KIRREL2: variants seen among roughly 807,000 people sequenced by gnomAD.
KIRREL2 encodes the protein kin of IRRE-like protein 2.
Under a neutral mutation model 73.4 loss-of-function variants are expected in KIRREL2, and 56 were observed. That is an observed-to-expected ratio of 0.76 (90% CI 0.62 to 0.95). The LOEUF (loss-of-function observed/expected upper bound fraction) is 0.95. Ranked by LOEUF, KIRREL2 falls within the 40% of genes least tolerant of loss-of-function variation. The pLI, the probability that KIRREL2 is intolerant of heterozygous loss-of-function variation, is 0.00. For missense variants in KIRREL2, 896 were observed against 935.0 expected (o/e 0.96, Z 0.54); for synonymous variants, 407 against 404.0 (o/e 1.01, Z -0.09).
In KIRREL2 at chr19:35,861,836, C is replaced by T. The variant is rs1403049112; in HGVS notation, c.1322C>T (p.Ala441Val). 10 of 1,586,982 alleles carry T rather than the reference C, an allele frequency of 6.3e-6. No individual in the cohort carries two copies. The African/African-American group carries it at 9.4e-5, about 15-fold the overall frequency. Reference protein sequence around the residue: ...VWSWDEGFLEAGSQGRFLVET... With the variant: ...VWSWDEGFLEVGSQGRFLVET... ...TCTTGGGATGAGGGCTTCCTGGAGG[C>T]GGGGTCGCAGGGCCGGTTCCTGGTG... The change falls in exon 11 of 15, where the codon GCG (alanine) becomes GTG (valine). Residue 441 changes from alanine (A) to valine (V), a missense_variant. Ala to Val is a moderately conservative substitution (Grantham distance 64). Coordinates refer to ENST00000360202, the MANE Select transcript of KIRREL2 (RefSeq NM_199180.4).
upstream of KIRREL2, among the ~76,000 whole-genome samples, chr19:35,855,690 CACACACACACACACACAT>C (rs967318690): frequency 1.7e-4 from 25 of 149,442 alleles, no homozygotes; most frequent in South Asian, 1.3e-3. Context: ...CACACACACA[CACACACACACACACACAT>C]ACACACAGGA....
upstream of KIRREL2, among the ~76,000 whole-genome samples, chr19:35,856,436 C>T (rs958834177): frequency 1.3e-5 from 2 of 152,174 alleles, no homozygotes; most frequent in Admixed American, 1.3e-4. The surrounding 1 kb of genome is among the most constrained non-coding windows in gnomAD (Gnocchi z 5.9). Context: ...GGTTTTGAGG[C>T]TGGGGGAGTC....
upstream of KIRREL2, chr19:35,856,588 A>C (rs1973433604): frequency 5.9e-6 from 1 of 168,884 alleles, no homozygotes; most frequent in African/African-American, 2.4e-5. This position sits in a 1 kb window ranked among gnomAD's most constrained non-coding sequence, Gnocchi z 5.9. Flanking sequence ...CTCAGTTTCC[A>C]CTGAGCGCAG....
upstream of KIRREL2, chr19:35,856,819 A>G (rs1459252061): frequency 2.5e-5 from 12 of 474,218 alleles, no homozygotes; most frequent in Admixed American, 4.2e-4. The surrounding 1 kb of genome is among the most constrained non-coding windows in gnomAD (Gnocchi z 5.9). Flanking sequence ...TCCGCGTCTC[A>G]GCCGCGGGAG....
In KIRREL2 at chr19:35,858,767, C is replaced by A. The variant is rs146497161; in HGVS notation, c.425C>A (p.Ala142Glu). ...PSVSLVAGVPANLTCRSRGDA... is the reference protein window; with the variant it reads ...PSVSLVAGVPENLTCRSRGDA... ...GTGTCTCTGGTTGCTGGAGTTCCTG[C>A]GAACCTGACATGTCGGAGCCGTGGG... is the stretch of plus-strand genomic sequence containing the variant. The change falls in exon 4 of 15, where the codon GCG becomes GAG. Residue 142 changes from alanine to glutamate, a missense_variant. Ala to Glu is a moderately radical substitution (Grantham distance 107). Transcript: ENST00000360202. 1.2e-6 allele frequency: 2 copies of A among 1,614,192 alleles called. No individual in the cohort carries two copies. Among genetic ancestry groups the A allele is most frequent in the South Asian group, 1.1e-5 (1 of 91,088 alleles).
chr19:35,859,763 G>A (rs748632291), intron 5 of KIRREL2, 132 bp downstream of exon 5: 159 of 1,060,104 alleles, frequency 1.5e-4, no homozygotes, highest in Middle Eastern at 1.3e-3. Context: ...AGCAGGAGAG[G>A]GCTGGGTATG....
intron 14 of KIRREL2, among the ~76,000 whole-genome samples, chr19:35,865,036 C>A (rs1268242811): frequency 6.6e-6 from 1 of 152,076 alleles, no homozygotes; most frequent in African/African-American, 2.4e-5. Context: ...CTACACTGGC[C>A]CCACATCTCC....
At chr19:35,854,123 G>A (rs1359995705), upstream of KIRREL2, among the ~76,000 whole-genome samples, 1 of 151,880 alleles carries the variant, frequency 6.6e-6, no homozygotes, top group Non-Finnish European at 1.5e-5. Context: ...GGGATTACAG[G>A]TGGGAGCCGC....
At chr19:35,855,865 C>T (rs1225022749), upstream of KIRREL2, 1 of 152,114 alleles carries the variant, frequency 6.6e-6, no homozygotes, top group Non-Finnish European at 1.5e-5. Flanking sequence ...GCACCATGCA[C>T]TTGAGTGCAC....
chr19:35,853,976 C>A (rs1973346764), upstream of KIRREL2, among the ~76,000 whole-genome samples: 1 of 151,578 alleles, frequency 6.6e-6, no homozygotes, highest in Non-Finnish European at 1.5e-5. Flanking sequence ...TCCTGAGTAG[C>A]TGGGAATACA....
rs28397943 is a variant in KIRREL2, at chr19:35,863,309, A to G, written c.1725+273A>G. Among the ~76,000 whole-genome samples the G allele has an allele frequency of 4.8e-3, 724 of 152,328 alleles. 6 individuals are homozygous for G. The highest frequency in any genetic ancestry group is 0.016 in the African/African-American group (684 of 41,580). On this transcript the variant is annotated intron_variant, in intron 13 of 14. Coordinates refer to ENST00000360202, the MANE Select transcript of KIRREL2 (RefSeq NM_199180.4). The stretch of plus-strand genomic sequence containing the variant: ...TATGGTGGCATACACCTATAGTCCC[A>G]GCTACTCAGGACACTGAGGTGGGAG...
At chr19:35,863,779 C>G (rs918341735) in intron 13 of KIRREL2, among the ~76,000 whole-genome samples, 11 of 147,226 alleles carry the variant, frequency 7.5e-5, no homozygotes, top group Admixed American at 3.4e-4. Flanking sequence ...TTTTTTCTTT[C>G]TTTCTTTTTT....
At chr19:35,856,629 T>C, upstream of KIRREL2, 1 of 249,778 alleles carries the variant, frequency 4.0e-6, no homozygotes, top group Non-Finnish European at 7.9e-6. This position sits in a 1 kb window ranked among gnomAD's most constrained non-coding sequence, Gnocchi z 5.9. Context: ...AGCAAGTTTC[T>C]TCCACTCTCT....
chr19:35,853,600 C>A (rs1973335395), upstream of KIRREL2, among the ~76,000 whole-genome samples: 2 of 151,996 alleles, frequency 1.3e-5, no homozygotes, highest in South Asian at 4.1e-4. Flanking sequence ...ACTTCCTGGG[C>A]TCAGGTGATC....
intron 14 of KIRREL2, 117 bp from the exon 15 acceptor site, chr19:35,866,040 C>T (rs1973948752): frequency 2.1e-6 from 2 of 960,928 alleles, no homozygotes; most frequent in African/African-American, 1.6e-5. Context: ...TCTCTGCCCA[C>T]TCCTGTCTCT....
At chr19:35,853,724 T>G (rs141322326), upstream of KIRREL2, among the ~76,000 whole-genome samples, 3 of 151,254 alleles carry the variant, frequency 2.0e-5, no homozygotes, top group East Asian at 5.8e-4. Flanking sequence ...CAGGCTGGAG[T>G]GCAGTGGTGT....
intron 7 of KIRREL2, 88 bp downstream of exon 7, chr19:35,860,755 G>C: frequency 6.3e-7 from 1 of 1,584,892 alleles, no homozygotes; most frequent in Non-Finnish European, 8.6e-7. Context: ...GGCGGGGCCG[G>C]GAGAGCGAGC....
chr19:35,854,026 G>A (rs1973347852), upstream of KIRREL2, among the ~76,000 whole-genome samples: 1 of 151,894 alleles, frequency 6.6e-6, no homozygotes, highest in Non-Finnish European at 1.5e-5. Context: ...TGTATTTTTA[G>A]TAGAGACGGG....
In KIRREL2 at chr19:35,861,206, C is replaced by T. The variant is rs760626290; in HGVS notation, c.1141C>T (p.Leu381=). 8 of 1,545,900 alleles carry T rather than the reference C, an allele frequency of 5.2e-6. No individual in the cohort carries two copies. The South Asian group carries it at 6.1e-5, about 12-fold the overall frequency. Residue 381 remains leucine (L), a synonymous_variant, in exon 9 of 15, where the codon CTA becomes TTA. Coordinates refer to ENST00000360202, the MANE Select transcript of KIRREL2 (RefSeq NM_199180.4). ...GDYVCRAEAG[L]SGLRGGAAEA... is the part of the protein sequence containing the mutation. ...CTATGTGTGCAGAGCTGAGGCTGGG[C>T]TATCGGGCCTGCGGGGCGGCGCCGC...
Sources: gnomAD v4.1 joint callset for allele counts (sites outside exome capture counted in the v4.1 genomes callset) on GRCh38, gnomAD v4.1.1 for gene constraint, Gnocchi (gnomAD v3.1) non-coding constraint, MANE v1.5 for transcripts, NCBI Gene and HGNC (gene_info 2026-07-23, HGNC 2026-07-21) for gene names.